Variants in ACOT7 observed in about 807,000 individuals in gnomAD.
ACOT7 encodes the protein cytosolic acyl coenzyme A thioester hydrolase.
ACOT7 carries 12 observed loss-of-function variants against 40.2 expected under a neutral mutation model. The observed-to-expected ratio is 0.30, with a 90% CI of 0.19 to 0.48. The LOEUF (loss-of-function observed/expected upper bound fraction) is 0.48, where lower values mean the gene tolerates loss of function less well. Ranked by LOEUF, ACOT7 falls within the 20% of genes least tolerant of loss-of-function variation. The pLI is 0.99. For synonymous variants in ACOT7, 228 were observed against 219.5 expected (o/e 1.04, Z -0.34); for missense variants, 395 against 530.8 (o/e 0.74, Z 2.51).
intron 6 of ACOT7, 115 bp from the exon 7 acceptor site, chr1:6,295,095 C>T (rs910541390): frequency 6.7e-6 from 5 of 749,610 alleles, no homozygotes; most frequent in East Asian, 5.6e-5. Context: ...CAGCAAGGGC[C>T]GCAGCCAGCA....
At chr1:6,267,884 C>G (rs1638898698) in intron 8 of ACOT7, among the ~76,000 whole-genome samples, 1 of 152,250 alleles carries the variant, frequency 6.6e-6, no homozygotes, top group African/African-American at 2.4e-5. Context: ...ATCGACTCCT[C>G]TTTTGTAAAA....
At position 6,275,710 on chromosome 1, in the gene ACOT7, C is replaced by T. The variant is rs548540135; in HGVS notation, c.1014+5392G>A. Among the ~76,000 whole-genome samples the T allele has an allele frequency of 6.5e-5, 9 of 138,086 alleles. No individual in the cohort carries two copies. In the South Asian group the frequency reaches 1.7e-3, roughly 26 times the overall value. 90.6% of individuals were successfully genotyped at this position (138,086 alleles called of 152,430 possible). ...CCAGGTTGGGCGACAGAGTGAGGCT[C>T]CGTCTCAAAAAAAAAAAAAAAAAAA... On this transcript the variant is annotated intron_variant, in intron 8 of 8. Coordinates refer to ENST00000361521, the MANE Select transcript of ACOT7 (RefSeq NM_007274.4). This position sits in a 1 kb window ranked among gnomAD's most constrained non-coding sequence, Gnocchi z 5.6.
At chr1:6,279,969 T>C (rs933994624) in intron 8 of ACOT7, among the ~76,000 whole-genome samples, 1 of 152,200 alleles carries the variant, frequency 6.6e-6, no homozygotes, top group East Asian at 1.9e-4. Context: ...TTTCAGTGCA[T>C]GTTCGCCCCA....
In ACOT7 at chr1:6,281,304, CG is replaced by C; in HGVS notation, c.830-19del. The C allele has an allele frequency of 6.3e-7, 1 of 1,590,318 alleles. No individual in the cohort carries two copies. The highest frequency in any genetic ancestry group is 8.5e-7 in the Non-Finnish European group (1 of 1,173,544). ...GACGCAGCCTGTGGAGAAGGGAGGGCGGGGGTCAGGGCGGCCTCCACCCCAC... is the reference window on the plus strand; with the variant it reads ...GACGCAGCCTGTGGAGAAGGGAGGGCGGGGTCAGGGCGGCCTCCACCCCAC... On this transcript the variant is annotated intron_variant, in intron 7 of 8. Coordinates refer to ENST00000361521, the MANE Select transcript of ACOT7 (RefSeq NM_007274.4).
At position 6,352,002 on chromosome 1, in the gene ACOT7, G is replaced by A. The variant is rs536183442; in HGVS notation, c.144-2136C>T. Among the ~76,000 whole-genome samples, 1 of 152,188 alleles carries A rather than the reference G, an allele frequency of 6.6e-6. No individual in the cohort carries two copies. Among genetic ancestry groups the A allele is most frequent in the African/African-American group, 2.4e-5 (1 of 41,422 alleles). On this transcript the variant is annotated intron_variant, in intron 1 of 8. Coordinates refer to ENST00000361521, the MANE Select transcript of ACOT7 (RefSeq NM_007274.4). The surrounding 1 kb of genome is among the most constrained non-coding windows in gnomAD (Gnocchi z 4.5). ...CTGTGCCATCAGGAGTACATGCCAG[G>A]AACTGCAGACCGCACGCCAGCTGGC...
rs117274697 is a variant in ACOT7, at chr1:6,352,531, G to C, written c.144-2665C>G. The stretch of plus-strand genomic sequence containing the variant: ...GACTGCCTCTGTCTAAAGGCAGGCA[G>C]GGGTGAGAGCCAGGGAGCCAGGGAA... On this transcript the variant is annotated intron_variant, in intron 1 of 8. Transcript: ENST00000361521. This position sits in a 1 kb window ranked among gnomAD's most constrained non-coding sequence, Gnocchi z 4.5. Among the ~76,000 whole-genome samples the C allele has an allele frequency of 6.6e-6, 1 of 152,206 alleles. No individual in the cohort carries two copies. The highest frequency in any genetic ancestry group is 2.4e-5 in the African/African-American group (1 of 41,454).
intron 1 of ACOT7, chr1:6,360,633 C>T (rs1257877624): frequency 6.2e-7 from 1 of 1,614,238 alleles, no homozygotes; most frequent in South Asian, 1.1e-5. Context: ...TAGTGACAAG[C>T]TTCTCCGAAG....
chr1:6,358,861 C>G lies in ACOT7; in HGVS notation c.144-8995G>C, dbSNP rs1641822995. On this transcript the variant is annotated intron_variant, in intron 1 of 8. Transcript: ENST00000361521. The surrounding 1 kb of genome is among the most constrained non-coding windows in gnomAD (Gnocchi z 4.1). The stretch of plus-strand genomic sequence containing the variant: ...GGAAAGCCATGGTGGCTAGGACATC[C>G]CAGGATCAGATGCAGAGAAAGGCGA... 1 of 1,613,640 alleles carries G rather than the reference C, an allele frequency of 6.2e-7. No homozygotes were observed. Among genetic ancestry groups the G allele is most frequent in the Non-Finnish European group, 8.5e-7 (1 of 1,179,804 alleles).
intron 4 of ACOT7, among the ~76,000 whole-genome samples, chr1:6,327,906 T>C (rs1640850375): frequency 6.6e-6 from 1 of 152,096 alleles, no homozygotes; most frequent in African/African-American, 2.4e-5. Context: ...CCCCGGTACC[T>C]GGGACGACAG....
chr1:6,343,976 C>G (rs180698713), intron 2 of ACOT7, among the ~76,000 whole-genome samples: 2 of 152,178 alleles, frequency 1.3e-5, no homozygotes, highest in Non-Finnish European at 2.9e-5. Context: ...AATGGGGCCA[C>G]GCCACGATGG....
intron 6 of ACOT7, among the ~76,000 whole-genome samples, chr1:6,302,372 G>A (rs966342825): frequency 2.6e-5 from 4 of 152,082 alleles, no homozygotes; most frequent in Non-Finnish European, 4.4e-5. Flanking sequence ...CTTTCTCGGG[G>A]AAACACTTAG....
chr1:6,350,722 T>C (rs755184042), intron 1 of ACOT7, among the ~76,000 whole-genome samples: 1 of 152,188 alleles, frequency 6.6e-6, no homozygotes, highest in Non-Finnish European at 1.5e-5. Flanking sequence ...GCAGCTTGTG[T>C]AGCCTGCCCA....
chr1:6,393,170 G>GT, intron 1 of ACOT7, 87 bp downstream of exon 1: 1 of 1,192,294 alleles, frequency 8.4e-7, no homozygotes, highest in Non-Finnish European at 1.0e-6. Flanking sequence ...GCCTCGGCGG[G>GT]TGGGGACCAC....
intron 2 of ACOT7, among the ~76,000 whole-genome samples, chr1:6,348,283 C>T (rs1571330859): frequency 1.3e-5 from 2 of 152,304 alleles, no homozygotes; most frequent in African/African-American, 4.8e-5. Context: ...ACCATCCGCA[C>T]TTACTGTGGC....
chr1:6,369,577 C>A (rs564274853), intron 1 of ACOT7, among the ~76,000 whole-genome samples: 1 of 147,226 alleles, frequency 6.8e-6, no homozygotes, highest in Admixed American at 6.8e-5. Flanking sequence ...CAGCTAATTT[C>A]TTTTTTTTCT....
At chr1:6,319,031 C>G (rs1329195439) in intron 5 of ACOT7, among the ~76,000 whole-genome samples, 1 of 152,186 alleles carries the variant, frequency 6.6e-6, no homozygotes, top group Non-Finnish European at 1.5e-5. Context: ...TCTGGCCAGC[C>G]CCCAACCCCA....
intron 2 of ACOT7, among the ~76,000 whole-genome samples, chr1:6,344,885 GT>G (rs1641378466): frequency 6.6e-6 from 1 of 151,602 alleles, no homozygotes; most frequent in African/African-American, 2.4e-5. Flanking sequence ...GGAGGATTTT[GT>G]TTTACTATCT....
chr1:6,373,263 T>C (rs1193333569), intron 1 of ACOT7, among the ~76,000 whole-genome samples: 1 of 152,110 alleles, frequency 6.6e-6, no homozygotes, highest in Non-Finnish European at 1.5e-5. Context: ...AAACTTTTTT[T>C]TTTTTGAGAA....
intron 1 of ACOT7, chr1:6,385,800 T>C (rs1390796923): frequency 1.4e-6 from 2 of 1,426,176 alleles, no homozygotes; most frequent in Non-Finnish European, 1.8e-6. Context: ...AGGCTCCTGC[T>C]CCTCCTAGGA....
Sources: allele counts gnomAD v4.1 joint callset (sites outside exome capture counted in the v4.1 genomes callset), GRCh38; gene constraint gnomAD v4.1.1; non-coding constraint Gnocchi (gnomAD v3.1); transcripts MANE v1.5; gene names NCBI Gene and HGNC (gene_info 2026-07-23, HGNC 2026-07-21).